Variants in ROR2 observed in about 807,000 individuals in gnomAD.
The protein encoded by ROR2 is ROR family WNT receptor 2.
ROR2 carries 33 observed loss-of-function variants against 74.9 expected under a neutral mutation model. That is an observed-to-expected ratio of 0.44 (90% CI 0.33 to 0.59). The LOEUF (loss-of-function observed/expected upper bound fraction) is 0.59. Among genes scored for constraint, ROR2 ranks in the 20% least tolerant of loss-of-function variants. The pLI, the probability that ROR2 is intolerant of heterozygous loss-of-function variation, is 0.02. For synonymous variants in ROR2, 586 were observed against 558.7 expected (o/e 1.05, Z -0.69); for missense variants, 1,216 against 1,313.8 (o/e 0.93, Z 1.15).
intron 4 of ROR2, among the ~76,000 whole-genome samples, chr9:91,739,733 T>C (rs567483167): frequency 6.6e-6 from 1 of 152,320 alleles, no homozygotes; most frequent in East Asian, 1.9e-4. Context: ...CAGCCATTGT[T>C]TCCTTGGGTT....
intron 1 of ROR2, among the ~76,000 whole-genome samples, chr9:91,783,321 T>C (rs1238937271): frequency 6.6e-6 from 1 of 152,220 alleles, no homozygotes; most frequent in Admixed American, 6.5e-5. Flanking sequence ...GCATTATTTG[T>C]CTTCAAAACT....
chr9:91,790,486 G>A (rs1043203401), intron 1 of ROR2, among the ~76,000 whole-genome samples: 1 of 151,084 alleles, frequency 6.6e-6, no homozygotes, highest in Non-Finnish European at 1.5e-5. Context: ...CTCCAGCCTG[G>A]TGACAGAGCG....
chr9:91,802,167 A>G (rs996174780), intron 1 of ROR2, among the ~76,000 whole-genome samples: 5 of 137,526 alleles, frequency 3.6e-5, no homozygotes, highest in Non-Finnish European at 7.6e-5. Context: ...TCTGCCTCCC[A>G]GGTTCACGCC....
At chr9:91,906,957 G>T (rs2030992) in intron 1 of ROR2, among the ~76,000 whole-genome samples, 39,196 of 151,946 alleles carry the variant, frequency 0.26, 5,463 homozygotes, top group Admixed American at 0.43. Flanking sequence ...GTGGCGGTGG[G>T]AACATTCACT....
At chr9:91,939,299 C>G (rs947185104) in intron 1 of ROR2, among the ~76,000 whole-genome samples, 20 of 152,162 alleles carry the variant, frequency 1.3e-4, no homozygotes, top group Non-Finnish European at 2.8e-4. Context: ...TGCCAAATGG[C>G]CCTACCTGTG....
intron 1 of ROR2, among the ~76,000 whole-genome samples, chr9:91,922,099 GCAACAACAACAA>G (rs556349605): frequency 2.0e-5 from 3 of 147,568 alleles, no homozygotes; most frequent in Non-Finnish European, 4.6e-5. Flanking sequence ...CCAAACAACA[GCAACAACAACAA>G]CAACAACAAC....
chr9:91,754,527 C>T (rs777892092), intron 4 of ROR2, among the ~76,000 whole-genome samples: 17 of 151,938 alleles, frequency 1.1e-4, no homozygotes, highest in Non-Finnish European at 2.2e-4. Context: ...CATGGTGGTG[C>T]GCATCTGTAA....
intron 1 of ROR2, among the ~76,000 whole-genome samples, chr9:91,934,206 T>A (rs1587857931): frequency 6.6e-6 from 1 of 152,134 alleles, no homozygotes. Flanking sequence ...TGTTACTAGA[T>A]TTTTAGTTTT....
At chr9:91,823,708 A>G (rs1828202942) in intron 1 of ROR2, among the ~76,000 whole-genome samples, 3 of 152,228 alleles carry the variant, frequency 2.0e-5, no homozygotes, top group African/African-American at 4.8e-5. Context: ...TTGCAGTATT[A>G]TCTTTCAACT....
Position 91,841,104 on chromosome 9 carries a change from C to G in ROR2, c.98-65286G>C, listed in dbSNP as rs565236353. On this transcript the variant is annotated intron_variant, in intron 1 of 8. Transcript: ENST00000375708. ...CAGTCTCATTCCCCGGCCATTGGCCCATCAGTTGACCGCCCTTGAGCTCAC... is the reference window on the plus strand; with the variant it reads ...CAGTCTCATTCCCCGGCCATTGGCCGATCAGTTGACCGCCCTTGAGCTCAC... Among the ~76,000 whole-genome samples the G allele has an allele frequency of 1.6e-4, 24 of 152,356 alleles. No homozygotes were observed. The South Asian group carries it at 3.1e-3, about 20-fold the overall frequency.
intron 7 of ROR2, among the ~76,000 whole-genome samples, chr9:91,730,115 G>C (rs1387270577): frequency 3.3e-5 from 5 of 152,084 alleles, no homozygotes; most frequent in African/African-American, 4.8e-5. Context: ...GACAATTTTT[G>C]TATTTTTTGT....
intron 1 of ROR2, among the ~76,000 whole-genome samples, chr9:91,849,968 C>A (rs1371831609): frequency 6.6e-6 from 1 of 152,204 alleles, no homozygotes; most frequent in African/African-American, 2.4e-5. Flanking sequence ...GTTTTCTGGT[C>A]ATTTCCAAAG....
At chr9:91,777,179 T>G (rs982253998) in intron 1 of ROR2, among the ~76,000 whole-genome samples, 1 of 152,186 alleles carries the variant, frequency 6.6e-6, no homozygotes, top group Non-Finnish European at 1.5e-5. Flanking sequence ...TACTACATAG[T>G]TTGGGCTCAC....
chr9:91,844,947 T>G (rs544127451), intron 1 of ROR2, among the ~76,000 whole-genome samples: 13 of 152,302 alleles, frequency 8.5e-5, no homozygotes, highest in Middle Eastern at 6.8e-3. Context: ...CGCATCCTAA[T>G]GTAAAGCAAC....
At chr9:91,778,732 T>C (rs923846184) in intron 1 of ROR2, among the ~76,000 whole-genome samples, 2 of 152,152 alleles carry the variant, frequency 1.3e-5, no homozygotes, top group African/African-American at 4.8e-5. Context: ...ATCAAGAATG[T>C]CATCCGTATG....
At chr9:91,810,237 T>C (rs1827703346) in intron 1 of ROR2, among the ~76,000 whole-genome samples, 1 of 152,194 alleles carries the variant, frequency 6.6e-6, no homozygotes, top group Admixed American at 6.5e-5. Flanking sequence ...GCATCGGTAC[T>C]GGGCTGGCGT....
intron 1 of ROR2, among the ~76,000 whole-genome samples, chr9:91,780,194 A>G (rs972094778): frequency 1.3e-5 from 2 of 152,086 alleles, no homozygotes; most frequent in Non-Finnish European, 2.9e-5. Context: ...TGGCTAACAC[A>G]GTGAAACCCC....
intron 1 of ROR2, among the ~76,000 whole-genome samples, chr9:91,849,828 G>A (rs557401564): frequency 2.0e-5 from 3 of 152,262 alleles, no homozygotes; most frequent in African/African-American, 7.2e-5. Flanking sequence ...ATCGTGTTTT[G>A]AACATGTTGT....
At chr9:91,741,983 G>A (rs1235624320) in intron 4 of ROR2, among the ~76,000 whole-genome samples, 1 of 152,256 alleles carries the variant, frequency 6.6e-6, no homozygotes, top group Middle Eastern at 3.4e-3. Context: ...AGATAACCTA[G>A]ATGTAAGAAT....
Sources: gnomAD v4.1 joint callset for allele counts (sites outside exome capture counted in the v4.1 genomes callset) on GRCh38, gnomAD v4.1.1 for gene constraint, MANE v1.5 for transcripts, NCBI Gene and HGNC (gene_info 2026-07-23, HGNC 2026-07-21) for gene names.